Variants in PACSIN3 observed in about 807,000 individuals in gnomAD.
The protein encoded by PACSIN3 is protein kinase C and casein kinase substrate in neurons protein 3.
PACSIN3 carries 34 observed loss-of-function variants against 56.1 expected under a neutral mutation model. The observed-to-expected ratio is 0.61, with a 90% CI of 0.46 to 0.81. The LOEUF (loss-of-function observed/expected upper bound fraction) is 0.81, where lower values mean the gene tolerates loss of function less well. PACSIN3 is among the 30% of genes least tolerant of loss of function. The pLI, the probability that PACSIN3 is intolerant of heterozygous loss-of-function variation, is 0.00. For missense variants in PACSIN3, 535 were observed against 592.4 expected (o/e 0.90, Z 1.01); for synonymous variants, 218 against 229.8 (o/e 0.95, Z 0.46).
Position 47,180,237 on chromosome 11 carries a change from C to T in PACSIN3, c.552G>A (p.Gln184=). 6.2e-7 allele frequency: 1 copy of T among 1,603,960 alleles called. No homozygotes were observed. Among genetic ancestry groups the T allele is most frequent in the South Asian group, 1.1e-5 (1 of 91,090 alleles). Residue 184 remains glutamine (Q), a synonymous_variant, in exon 6 of 11, where the codon CAG becomes CAA. Transcript: ENST00000298838. The stretch of plus-strand genomic sequence containing the variant: ...CCACCCGTTCCTGCAGTTTGCGCAG[C>T]TGCTCCTGGGAGACGGCGCTGTCTG... ...AKADSAVSQE[Q]LRKLQERVER... is the part of the protein sequence containing the mutation.
At position 47,179,313 on chromosome 11, in the gene PACSIN3, G is replaced by A. The variant is rs1281153585; in HGVS notation, c.780-34C>T. 3.1e-6 allele frequency: 5 copies of A among 1,613,988 alleles called. No individual in the cohort carries two copies. Among genetic ancestry groups the A allele is most frequent in the Non-Finnish European group, 4.2e-6 (5 of 1,180,000 alleles). ...CAAGGCACACCCCTCAGTCTAGGAA[G>A]TCTAGACCCTGCATCCCTCAGTCCC... On this transcript the variant is annotated intron_variant, in intron 7 of 10. Transcript: ENST00000298838. The surrounding 1 kb of genome is among the most constrained non-coding windows in gnomAD (Gnocchi z 4.4).
At position 47,179,253 on chromosome 11, in the gene PACSIN3, T is replaced by C; in HGVS notation, c.806A>G (p.His269Arg). ...EKFHELHRDL[H>R]QGIEAASDEE... ...GTCACTGGCTGCCTCAATGCCCTGG[T>C]GCAAGTCACGGTGGAGTTCATGGAA... Residue 269 changes from histidine to arginine, a missense_variant, in exon 8 of 11, where the codon CAC (histidine) becomes CGC (arginine). His to Arg is a conservative substitution (Grantham distance 29, BLOSUM62 0). Coordinates refer to ENST00000298838, the MANE Select transcript of PACSIN3 (RefSeq NM_016223.5). The surrounding 1 kb of genome is among the most constrained non-coding windows in gnomAD (Gnocchi z 4.4). 6.2e-7 allele frequency: 1 copy of C among 1,613,982 alleles called. No homozygotes were observed. The highest frequency in any genetic ancestry group is 1.1e-5 in the South Asian group (1 of 91,080).
Position 47,179,092 on chromosome 11 carries a change from C to T in PACSIN3, c.901-62G>A. 1 of 1,613,840 alleles carries T rather than the reference C, an allele frequency of 6.2e-7. No homozygotes were observed. The highest frequency in any genetic ancestry group is 8.5e-7 in the Non-Finnish European group (1 of 1,179,946). On this transcript the variant is annotated intron_variant, in intron 8 of 10. Transcript: ENST00000298838. The surrounding 1 kb of genome is among the most constrained non-coding windows in gnomAD (Gnocchi z 4.4). ...TGAACCACCTTCACTTACTTCATCCCTAGCCCTGGCCGAGCTGAGTGGGAG... is the reference window on the plus strand; with the variant it reads ...TGAACCACCTTCACTTACTTCATCCTTAGCCCTGGCCGAGCTGAGTGGGAG...
intron 1 of PACSIN3, chr11:47,183,462 CTG>C (rs1337306022): frequency 1.1e-4 from 17 of 152,316 alleles, no homozygotes; most frequent in Admixed American, 1.1e-3. Context: ...GTGTATGTAA[CTG>C]TCTCCTCCTA....
At chr11:47,182,905 G>T (rs1218921584) in intron 2 of PACSIN3, 99 bp downstream of exon 2, 1 of 588,408 alleles carries the variant, frequency 1.7e-6, no homozygotes, top group African/African-American at 1.9e-5. Context: ...TAGCAGGCAG[G>T]GTGCTGAAGA....
chr11:47,180,763 TGAGGCATG>T, intron 4 of PACSIN3, 73 bp from the exon 5 acceptor site: 1 of 1,244,210 alleles, frequency 8.0e-7, no homozygotes, highest in Non-Finnish European at 1.1e-6. Context: ...TCACTGGGTG[TGAGGCATG>T]GAGGCATGGG....
In PACSIN3 at chr11:47,179,124, C is replaced by T; in HGVS notation, c.900+35G>A. 6.2e-7 allele frequency: 1 copy of T among 1,613,270 alleles called. No individual in the cohort carries two copies. The highest frequency in any genetic ancestry group is 8.5e-7 in the Non-Finnish European group (1 of 1,179,744). ...TGGCCGAGCTGAGTGGGAGCCCATC[C>T]CACCTCCCATCCCCACCCCGCCTGG... On this transcript the variant is annotated intron_variant, in intron 8 of 10. Transcript: ENST00000298838. This position sits in a 1 kb window ranked among gnomAD's most constrained non-coding sequence, Gnocchi z 4.4.
In PACSIN3 at chr11:47,180,581, A is replaced by G. The variant is rs1436347835; in HGVS notation, c.321T>C (p.Ser107=). 6.2e-7 allele frequency: 1 copy of G among 1,604,730 alleles called. No individual in the cohort carries two copies. The highest frequency in any genetic ancestry group is 1.3e-5 in the African/African-American group (1 of 75,056). ...CCCGCTGCCAGGCGCGCACCCGCTCACTGTCCTGCCCTTGCAGCTTCTCCC... is the reference window on the plus strand; with the variant it reads ...CCCGCTGCCAGGCGCGCACCCGCTCGCTGTCCTGCCCTTGCAGCTTCTCCC... The part of the protein sequence containing the change: ...EVREKLQGQD[S]ERVRAWQRGA... Residue 107 remains serine, a synonymous_variant, in exon 5 of 11, where the codon AGT becomes AGC. Transcript: ENST00000298838.
At chr11:47,183,745 G>T (rs1210219954) in intron 1 of PACSIN3, among the ~76,000 whole-genome samples, 1 of 152,230 alleles carries the variant, frequency 6.6e-6, no homozygotes, top group Admixed American at 6.6e-5. Flanking sequence ...TCCCAGGCTG[G>T]GTGTGGTGGC....
Position 47,179,538 on chromosome 11 carries a change from G to T in PACSIN3, c.652C>A (p.Pro218Thr), listed in dbSNP as rs924893885. 1 of 1,613,900 alleles carries T rather than the reference G, an allele frequency of 6.2e-7. No individual in the cohort carries two copies. The highest frequency in any genetic ancestry group is 8.5e-7 in the Non-Finnish European group (1 of 1,180,036). The part of the protein sequence containing the change: ...QTLAELHRYT[P>T]RYMEDMEQAF... ...TGTTCCATGTCCTCCATGTAGCGTG[G>T]AGTGTAGCGATGCAGCTCTGCCAGC... The change falls in exon 7 of 11, where the codon CCA becomes ACA. Residue 218 changes from proline (P) to threonine (T), a missense_variant. Coordinates refer to ENST00000298838, the MANE Select transcript of PACSIN3 (RefSeq NM_016223.5). This position sits in a 1 kb window ranked among gnomAD's most constrained non-coding sequence, Gnocchi z 4.4.
At chr11:47,182,156 A>G (rs1207930335) in intron 4 of PACSIN3, among the ~76,000 whole-genome samples, 1 of 152,072 alleles carries the variant, frequency 6.6e-6, no homozygotes, top group Non-Finnish European at 1.5e-5. Flanking sequence ...AAAAAAAAAA[A>G]AAAGAAAGGA....
Position 47,179,100 on chromosome 11 carries a change from G to C in PACSIN3, c.900+59C>G. ...CTTCACTTACTTCATCCCTAGCCCT[G>C]GCCGAGCTGAGTGGGAGCCCATCCC... On this transcript the variant is annotated intron_variant, in intron 8 of 10. Coordinates refer to ENST00000298838, the MANE Select transcript of PACSIN3 (RefSeq NM_016223.5). The surrounding 1 kb of genome is among the most constrained non-coding windows in gnomAD (Gnocchi z 4.4). The C allele has an allele frequency of 1.9e-6, 3 of 1,613,682 alleles. No homozygotes were observed. The highest frequency in any genetic ancestry group is 1.1e-5 in the South Asian group (1 of 91,088).
Position 47,179,107 on chromosome 11 carries a change from C to T in PACSIN3, c.900+52G>A. 1 of 1,613,464 alleles carries T rather than the reference C, an allele frequency of 6.2e-7. No individual in the cohort carries two copies. Among genetic ancestry groups the T allele is most frequent in the Non-Finnish European group, 8.5e-7 (1 of 1,179,868 alleles). On this transcript the variant is annotated intron_variant, in intron 8 of 10. Transcript: ENST00000298838. The surrounding 1 kb of genome is among the most constrained non-coding windows in gnomAD (Gnocchi z 4.4). ...TACTTCATCCCTAGCCCTGGCCGAG[C>T]TGAGTGGGAGCCCATCCCACCTCCC...
intron 1 of PACSIN3, chr11:47,183,297 C>T (rs77675579): frequency 0.068 from 10,354 of 152,536 alleles, 538 homozygotes; most frequent in Middle Eastern, 0.13. Flanking sequence ...CAGGCTAGGG[C>T]CTCTGTTGCC....
rs994437488 is a variant in PACSIN3, at chr11:47,177,848, A to C, written c.*83T>G. 9.3e-5 allele frequency: 99 copies of C among 1,062,978 alleles called. 1 individual carries two copies. In the South Asian group the frequency reaches 1.2e-3, roughly 13 times the overall value. 65.8% of individuals were successfully genotyped at this position (1,062,978 alleles called of 1,614,324 possible). The stretch of plus-strand genomic sequence containing the variant: ...AGGAGCAGCCAGAGAGCGACGGTTC[A>C]GGGCCCTGAGGGTCCGGCTCTCCAG... On this transcript the variant is annotated 3_prime_UTR_variant, in exon 11 of 11. Coordinates refer to ENST00000298838, the MANE Select transcript of PACSIN3 (RefSeq NM_016223.5).
At chr11:47,181,974 A>G (rs189268328) in intron 4 of PACSIN3, among the ~76,000 whole-genome samples, 1 of 151,990 alleles carries the variant, frequency 6.6e-6, no homozygotes, top group Non-Finnish European at 1.5e-5. Flanking sequence ...CCAACATGGT[A>G]AAACCCCGTC....
chr11:47,181,981 C>T (rs756650171), intron 4 of PACSIN3, among the ~76,000 whole-genome samples: 5 of 151,876 alleles, frequency 3.3e-5, no homozygotes, highest in African/African-American at 4.8e-5. Context: ...GGTAAAACCC[C>T]GTCTTTACTA....
In PACSIN3 at chr11:47,178,718, A is replaced by G. The variant is rs564339227; in HGVS notation, c.1037+176T>C. ...ACGAGAGGGAATGTGGGAAATGCCC[A>G]GCAAATCTAAACCACTATGAGAACC... is the stretch of plus-strand genomic sequence containing the variant. On this transcript the variant is annotated intron_variant, in intron 9 of 10. Coordinates refer to ENST00000298838, the MANE Select transcript of PACSIN3 (RefSeq NM_016223.5). The surrounding 1 kb of genome is among the most constrained non-coding windows in gnomAD (Gnocchi z 4.2). Among the ~76,000 whole-genome samples the G allele has an allele frequency of 6.6e-6, 1 of 152,242 alleles. No homozygotes were observed. The highest frequency in any genetic ancestry group is 2.4e-5 in the African/African-American group (1 of 41,470).
At chr11:47,181,364 G>A (rs991802557) in intron 4 of PACSIN3, among the ~76,000 whole-genome samples, 2 of 152,224 alleles carry the variant, frequency 1.3e-5, no homozygotes, top group East Asian at 3.8e-4. Context: ...TGCCCTCGAG[G>A]AAGACAGCTT....
Sources: allele counts gnomAD v4.1 joint callset (sites outside exome capture counted in the v4.1 genomes callset), GRCh38; gene constraint gnomAD v4.1.1; non-coding constraint Gnocchi (gnomAD v3.1); transcripts MANE v1.5; gene names NCBI Gene and HGNC (gene_info 2026-07-23, HGNC 2026-07-21).